Variants in CHD3 observed in about 807,000 individuals in gnomAD.
The protein encoded by CHD3 is ATP-dependent chromatin remodeler CHD3.
A neutral mutation model predicts 248.9 loss-of-function variants in CHD3; 52 were observed. The observed-to-expected ratio is 0.21, with a 90% CI of 0.17 to 0.26. CHD3 has a LOEUF of 0.26. CHD3 is among the 10% of genes least tolerant of loss of function. The probability of loss-of-function intolerance (pLI) is 1.00; values close to 1 mark genes in which losing one functional copy is unlikely to be tolerated. For missense variants in CHD3, 1,482 were observed against 2,605.8 expected (o/e 0.57, Z 9.39); for synonymous variants, 985 against 985.2 (o/e 1.00, Z 0.00).
At chr17:7,898,785 C>T (rs370157863) in intron 13 of CHD3, among the ~76,000 whole-genome samples, 190 bp downstream of exon 13, 4 of 152,196 alleles carry the variant, frequency 2.6e-5, no homozygotes, top group South Asian at 2.1e-4. Context: ...TAGAGATAGC[C>T]CACTGGTGGC....
At position 7,895,292 on chromosome 17, in the gene CHD3, C is replaced by CT; in HGVS notation, c.1504-44dup. The CT allele has an allele frequency of 6.2e-7, 1 of 1,604,728 alleles. No homozygotes were observed. The highest frequency in any genetic ancestry group is 8.5e-7 in the Non-Finnish European group (1 of 1,173,256). ...CTATCTTCTCATCTAACAATGGGTT[C>CT]TTTCTGCCTCTTTCTTTCCTCCTCC... On this transcript the variant is annotated intron_variant, in intron 9 of 39. Coordinates refer to ENST00000330494, the MANE Select transcript of CHD3 (RefSeq NM_001005273.3). The surrounding 1 kb of genome is among the most constrained non-coding windows in gnomAD (Gnocchi z 4.9).
rs1349547596 is a variant in CHD3 at position 7,912,633 on chromosome 17, G to C, written c.*1048G>C. 1 of 152,156 alleles carries C rather than the reference G, an allele frequency of 6.6e-6. No homozygotes were observed. The highest frequency in any genetic ancestry group is 1.9e-4 in the East Asian group (1 of 5,186). 9.4% of individuals were successfully genotyped at this position (152,156 alleles called of 1,614,324 possible). On this transcript the variant is annotated 3_prime_UTR_variant, in exon 40 of 40. Transcript: ENST00000330494. Reference sequence around the variant, plus strand: ...ATGGCGAACCCCCCACTTCCTCTTTGCTGCCCCTTCACTTTCTTGCTGCCC... The same window carrying C: ...ATGGCGAACCCCCCACTTCCTCTTTCCTGCCCCTTCACTTTCTTGCTGCCC...
In CHD3 at chr17:7,893,388, G is replaced by A. The variant is rs760813916; in HGVS notation, c.612G>A (p.Gly204=). ...TCAGTGCCAACAACCCCTTCAAGGG[G>A]TCAGCAGCTGCTGTGGCGGCGGCAG... ...REFSANNPFK[G]SAAAVAAAAA... Residue 204 remains glycine, a synonymous_variant, in exon 5 of 40, where the codon GGG becomes GGA. Transcript: ENST00000330494. The A allele has an allele frequency of 6.2e-7, 1 of 1,613,742 alleles. No homozygotes were observed. The highest frequency in any genetic ancestry group is 8.5e-7 in the Non-Finnish European group (1 of 1,179,864).
Position 7,903,533 on chromosome 17 carries a change from G to C in CHD3, c.3727+30G>C. ...GAACCTTTTCTGCAGCTCTGTGAAAGCAGGCCCCTGCTCTCTCAGGAGTAC... is the reference window on the plus strand; with the variant it reads ...GAACCTTTTCTGCAGCTCTGTGAAACCAGGCCCCTGCTCTCTCAGGAGTAC... On this transcript the variant is annotated intron_variant, in intron 23 of 39. Transcript: ENST00000330494. This position sits in a 1 kb window ranked among gnomAD's most constrained non-coding sequence, Gnocchi z 6.8. 6.4e-7 allele frequency: 1 copy of C among 1,553,748 alleles called. No individual in the cohort carries two copies. Among genetic ancestry groups the C allele is most frequent in the South Asian group, 1.1e-5 (1 of 87,516 alleles).
In CHD3 at chr17:7,894,102, G is replaced by A. The variant is rs758686232; in HGVS notation, c.925-13G>A. 4 of 1,608,852 alleles carry A rather than the reference G, an allele frequency of 2.5e-6. No individual in the cohort carries two copies. The highest frequency in any genetic ancestry group is 2.7e-5 in the African/African-American group (2 of 74,744). On this transcript the variant is annotated splice_polypyrimidine_tract_variant and intron_variant, in intron 6 of 39. Transcript: ENST00000330494. ...GAAGTCTGCCTCACTGACGGCCACG[G>A]GGCTATGGGCAGTATGTTTTTCAGA...
At chr17:7,887,040 G>A (rs113757126), upstream of CHD3, among the ~76,000 whole-genome samples, 1,087 of 152,136 alleles carry the variant, frequency 7.1e-3, 20 homozygotes, top group African/African-American at 0.024. Flanking sequence ...CCTCCAAGTC[G>A]AATGAGTGAC....
rs572689252 is a variant in CHD3 at position 7,890,445 on chromosome 17, A to AT, written c.214-125dup. On this transcript the variant is annotated intron_variant, in intron 2 of 39. Transcript: ENST00000330494. Reference sequence around the variant, plus strand: ...CTCCATCTCCAAAAAAAAAAAGGAGATAAAAAATTAGTTACTATCACAGGA... The same window carrying AT: ...CTCCATCTCCAAAAAAAAAAAGGAGATTAAAAAATTAGTTACTATCACAGGA... 3.6e-5 allele frequency: 24 copies of AT among 674,278 alleles called. No individual in the cohort carries two copies. The South Asian group carries it at 5.6e-4, about 16-fold the overall frequency. 41.8% of individuals were successfully genotyped at this position (674,278 alleles called of 1,614,324 possible).
At chr17:7,898,148 C>A in intron 12 of CHD3, 46 bp downstream of exon 12, 1 of 1,602,842 alleles carries the variant, frequency 6.2e-7, no homozygotes, top group South Asian at 1.1e-5. Context: ...ACGATGAGGG[C>A]ATGAAAGCCA....
rs56395357 is a variant in CHD3 at position 7,899,711 on chromosome 17, A to G, written c.2544+168A>G. 1.9e-3 allele frequency among the ~76,000 whole-genome samples: 286 copies of G among 152,198 alleles called. 2 individuals carry two copies. The highest frequency in any genetic ancestry group is 6.7e-3 in the African/African-American group (277 of 41,530). ...AGATATGGCAGGTACTCCCAGGGGC[A>G]TACATGGATCTGTCGGTACTGGAAA... On this transcript the variant is annotated intron_variant, in intron 15 of 39. Coordinates refer to ENST00000330494, the MANE Select transcript of CHD3 (RefSeq NM_001005273.3). The surrounding 1 kb of genome is among the most constrained non-coding windows in gnomAD (Gnocchi z 6.8).
upstream of CHD3, among the ~76,000 whole-genome samples, chr17:7,885,725 C>T (rs2151419494): frequency 6.6e-6 from 1 of 152,296 alleles, no homozygotes; most frequent in South Asian, 2.1e-4. Flanking sequence ...CCCCCTCCAC[C>T]CGCGGAGACT....
chr17:7,903,482 C>G lies in CHD3; in HGVS notation c.3706C>G (p.Leu1236Val). The change falls in exon 23 of 40, where the codon CTA (leucine) becomes GTA (valine). Residue 1236 changes from leucine (L) to valine (V), a missense_variant. By Grantham distance (32) the Leu-to-Val change is conservative. This residue lies in a region of CHD3 where 156 missense variants were observed against 420.3 expected (regional missense o/e 0.37). Coordinates refer to ENST00000330494, the MANE Select transcript of CHD3 (RefSeq NM_001005273.3). The surrounding 1 kb of genome is among the most constrained non-coding windows in gnomAD (Gnocchi z 6.8). ...CATTCTCAAATTTGGCACTGAAGAG[C>G]TATTCAAGGATGAAAACGAGGGTGA... is the stretch of plus-strand genomic sequence containing the variant. ...DDILKFGTEE[L>V]FKDENEGENK... 6.2e-7 allele frequency: 1 copy of G among 1,613,950 alleles called. No homozygotes were observed. The highest frequency in any genetic ancestry group is 8.5e-7 in the Non-Finnish European group (1 of 1,179,884).
upstream of CHD3, among the ~76,000 whole-genome samples, chr17:7,886,850 G>A (rs547731994): frequency 6.6e-6 from 1 of 152,048 alleles, no homozygotes; most frequent in Admixed American, 6.6e-5. The surrounding 1 kb of genome is among the most constrained non-coding windows in gnomAD (Gnocchi z 4.2). Context: ...TGGGTACGTT[G>A]GGGAGAGAAG....
Position 7,909,086 on chromosome 17 carries a change from G to C in CHD3, c.5395-57G>C. The C allele has an allele frequency of 6.5e-7, 1 of 1,546,534 alleles. No individual in the cohort carries two copies. The highest frequency in any genetic ancestry group is 8.7e-7 in the Non-Finnish European group (1 of 1,144,906). ...GTCTCTTGCTATGTCCGCCCCCCCA[G>C]CCCCTCACCCACTGCTGGCAGAGCC... is the stretch of plus-strand genomic sequence containing the variant. On this transcript the variant is annotated intron_variant, in intron 36 of 39. Coordinates refer to ENST00000330494, the MANE Select transcript of CHD3 (RefSeq NM_001005273.3). This position sits in a 1 kb window ranked among gnomAD's most constrained non-coding sequence, Gnocchi z 8.1.
At chr17:7,901,124 A>C in intron 19 of CHD3, 120 bp from the exon 20 acceptor site, 1 of 1,515,018 alleles carries the variant, frequency 6.6e-7, no homozygotes, top group Non-Finnish European at 8.9e-7. Context: ...GTGTCTGAGA[A>C]CAGGAGGAAT....
upstream of CHD3, chr17:7,888,719 T>G: frequency 7.5e-6 from 6 of 804,496 alleles, no homozygotes; most frequent in Non-Finnish European, 8.4e-6. Context: ...AGAGTGTGTG[T>G]GGGTGTGGGT....
chr17:7,908,030 C>A lies in CHD3; in HGVS notation c.5152+11C>A. On this transcript the variant is annotated intron_variant, in intron 34 of 39. Coordinates refer to ENST00000330494, the MANE Select transcript of CHD3 (RefSeq NM_001005273.3). The surrounding 1 kb of genome is among the most constrained non-coding windows in gnomAD (Gnocchi z 5.8). ...ATGGTGGCTTCACAGGTTGGGGAGA[C>A]TCTCGCTGCTTTCTGCTCCTCAAGG... 2 of 1,587,872 alleles carry A rather than the reference C, an allele frequency of 1.3e-6. No individual in the cohort carries two copies. The highest frequency in any genetic ancestry group is 1.7e-6 in the Non-Finnish European group (2 of 1,162,336).
In CHD3 at chr17:7,910,197, A is replaced by G. The variant is rs534108379; in HGVS notation, c.5591-231A>G. 2.0e-6 allele frequency: 1 copy of G among 489,602 alleles called. No homozygotes were observed. The highest frequency in any genetic ancestry group is 2.1e-5 in the South Asian group (1 of 46,742). The allele number at this position is 489,602 out of a possible 1,614,324, so 30.3% of individuals were successfully genotyped here. A position where few individuals can be genotyped will look rare whatever the true frequency, so the allele number is the denominator to read the frequency against. ...TTTCTCTCCATCTGTCTTCTGTGGT[A>G]ATCTGGTCTCTCTGTCTCTTTTCCT... is the stretch of plus-strand genomic sequence containing the variant. On this transcript the variant is annotated intron_variant, in intron 37 of 39. Coordinates refer to ENST00000330494, the MANE Select transcript of CHD3 (RefSeq NM_001005273.3). The surrounding 1 kb of genome is among the most constrained non-coding windows in gnomAD (Gnocchi z 4.7).
At chr17:7,884,827 C>A, upstream of CHD3, 1 of 803,840 alleles carries the variant, frequency 1.2e-6, no homozygotes, top group Non-Finnish European at 1.7e-6. Flanking sequence ...CTCTGAGGGA[C>A]GAGGAGGAGG....
chr17:7,906,472 C>A lies in CHD3; in HGVS notation c.4359-81C>A. Reference sequence around the variant, plus strand: ...GGGGATTTGGGGGTTTGGGGGTCCTCAGTCATCCTCGCGCCTCCCTCACTG... The same window carrying A: ...GGGGATTTGGGGGTTTGGGGGTCCTAAGTCATCCTCGCGCCTCCCTCACTG... On this transcript the variant is annotated intron_variant, in intron 28 of 39. Transcript: ENST00000330494. This position sits in a 1 kb window ranked among gnomAD's most constrained non-coding sequence, Gnocchi z 5.0. The A allele has an allele frequency of 6.7e-7, 1 of 1,484,686 alleles. No individual in the cohort carries two copies. The highest frequency in any genetic ancestry group is 9.3e-7 in the Non-Finnish European group (1 of 1,077,354). 92.0% of individuals were successfully genotyped at this position (1,484,686 alleles called of 1,614,324 possible).
Sources: gnomAD v4.1 joint callset for allele counts (sites outside exome capture counted in the v4.1 genomes callset) on GRCh38, gnomAD v4.1.1 for gene constraint, gnomAD v4.1.1 regional missense constraint, Gnocchi (gnomAD v3.1) non-coding constraint, MANE v1.5 for transcripts, NCBI Gene and HGNC (gene_info 2026-07-23, HGNC 2026-07-21) for gene names.